LEKR1: variants seen among roughly 807,000 people sequenced by gnomAD.
The protein encoded by LEKR1 is leucine, glutamate and lysine rich 1.
LEKR1 carries 59 observed loss-of-function variants against 72.4 expected under a neutral mutation model. The ratio of observed to expected loss-of-function variants is 0.82; its 90% CI spans 0.66 to 1.01. LEKR1 has a LOEUF of 1.01. Among genes scored for constraint, LEKR1 ranks in the 50% least tolerant of loss-of-function variants. LEKR1 has a pLI of 0.00. For synonymous variants in LEKR1, 257 were observed against 263.2 expected (o/e 0.98, Z 0.23); for missense variants, 728 against 759.2 (o/e 0.96, Z 0.48).
intron 10 of LEKR1, 86 bp downstream of exon 10, chr3:157,011,592 A>C (rs1187063247): frequency 4.5e-6 from 4 of 898,106 alleles, no homozygotes; most frequent in Non-Finnish European, 7.2e-6. Flanking sequence ...TTCCGGATAG[A>C]TTTATTTGCT....
chr3:156,997,646 G>A (rs1001914343), intron 9 of LEKR1, among the ~76,000 whole-genome samples: 5 of 152,170 alleles, frequency 3.3e-5, no homozygotes, highest in African/African-American at 1.2e-4. Context: ...TCCAAGCAGT[G>A]TCAGATACAC....
intron 4 of LEKR1, among the ~76,000 whole-genome samples, chr3:156,923,306 C>T (rs1724385551): frequency 6.6e-6 from 1 of 152,214 alleles, no homozygotes; most frequent in South Asian, 2.1e-4. Context: ...AGAAAAGACC[C>T]TCCAGACCCT....
intron 12 of LEKR1, among the ~76,000 whole-genome samples, chr3:157,044,392 G>A (rs1735591738): frequency 6.6e-6 from 1 of 152,170 alleles, no homozygotes; most frequent in South Asian, 2.1e-4. Flanking sequence ...CAAAACATAG[G>A]TAACACCTCA....
intron 9 of LEKR1, among the ~76,000 whole-genome samples, chr3:157,008,388 A>C (rs528915370): frequency 6.6e-6 from 1 of 152,202 alleles, no homozygotes. Context: ...GGCTGTATCA[A>C]TAATTGTTTT....
Position 157,028,184 on chromosome 3 carries a change from A to G in LEKR1, c.1450A>G (p.Ile484Val). ...TAAAGAAAAACTTCACAAATCCCATATTCGGTACACTGAAGAATCTAATTC... is the reference window on the plus strand; with the variant it reads ...TAAAGAAAAACTTCACAAATCCCATGTTCGGTACACTGAAGAATCTAATTC... ...TLKEKLHKSH[I>V]RYTEESNSKE... The change falls in exon 12 of 13, where the codon ATT (isoleucine) becomes GTT (valine). Residue 484 changes from isoleucine (I) to valine (V), a missense_variant. Coordinates refer to ENST00000356539, the MANE Select transcript of LEKR1 (RefSeq NM_001004316.3). The G allele has an allele frequency of 6.2e-7, 1 of 1,612,386 alleles. No individual in the cohort carries two copies. The highest frequency in any genetic ancestry group is 8.5e-7 in the Non-Finnish European group (1 of 1,178,840).
At chr3:157,016,949 A>C (rs751830339) in intron 10 of LEKR1, among the ~76,000 whole-genome samples, 2 of 152,208 alleles carry the variant, frequency 1.3e-5, no homozygotes, top group African/African-American at 2.4e-5. Flanking sequence ...AATCCTAAAG[A>C]AGACAGGAAA....
intron 3 of LEKR1, among the ~76,000 whole-genome samples, chr3:156,913,458 T>C (rs1000644524): frequency 5.9e-5 from 9 of 152,298 alleles, no homozygotes; most frequent in African/African-American, 2.2e-4. Flanking sequence ...GAAATGCTAC[T>C]GATTTTTAAT....
chr3:156,899,541 C>CATATACATGT (rs1560064249), intron 3 of LEKR1, among the ~76,000 whole-genome samples: 44 of 134,728 alleles, frequency 3.3e-4, no homozygotes, highest in African/African-American at 1.2e-3. Context: ...CACATATATA[C>CATATACATGT]ATATATACAC....
intron 5 of LEKR1, among the ~76,000 whole-genome samples, chr3:156,932,705 C>CAAA (rs71141797): frequency 5.0e-5 from 5 of 99,764 alleles, no homozygotes; most frequent in Admixed American, 2.1e-4. Context: ...GACTCTGTCT[C>CAAA]AAAAAAAAAA....
chr3:156,896,302 T>C (rs1387857530), intron 3 of LEKR1, among the ~76,000 whole-genome samples: 1 of 152,132 alleles, frequency 6.6e-6, no homozygotes, highest in African/African-American at 2.4e-5. Flanking sequence ...ATGGCACATG[T>C]TTACCTATGT....
intron 3 of LEKR1, among the ~76,000 whole-genome samples, chr3:156,911,388 A>C (rs1289024646): frequency 1.3e-5 from 2 of 152,012 alleles, no homozygotes; most frequent in Non-Finnish European, 2.9e-5. Context: ...TAAATTCCTT[A>C]TAGATTCTGG....
intron 3 of LEKR1, among the ~76,000 whole-genome samples, chr3:156,856,084 T>C (rs1353317829): frequency 1.3e-5 from 2 of 152,208 alleles, no homozygotes; most frequent in African/African-American, 4.8e-5. Flanking sequence ...CAACAACATA[T>C]GTTTAAAACT....
At chr3:156,833,893 T>C (rs1445133173) in intron 2 of LEKR1, among the ~76,000 whole-genome samples, 1 of 151,104 alleles carries the variant, frequency 6.6e-6, no homozygotes, top group Non-Finnish European at 1.5e-5. Context: ...TGAATCTCTC[T>C]TTCCCCTTTT....
intron 6 of LEKR1, among the ~76,000 whole-genome samples, chr3:156,965,935 T>C (rs1728530371): frequency 6.6e-6 from 1 of 152,204 alleles, no homozygotes; most frequent in Non-Finnish European, 1.5e-5. Flanking sequence ...ATTACTTTTG[T>C]AAAAGGCTAA....
intron 3 of LEKR1, among the ~76,000 whole-genome samples, chr3:156,875,716 C>T (rs1334757049): frequency 2.0e-5 from 3 of 151,926 alleles, no homozygotes; most frequent in Non-Finnish European, 4.4e-5. Context: ...AAGAAATGAG[C>T]CGGGCGTGGT....
chr3:156,984,768 A>G (rs1730532604), intron 7 of LEKR1, among the ~76,000 whole-genome samples: 1 of 152,018 alleles, frequency 6.6e-6, no homozygotes, highest in Admixed American at 6.6e-5. Context: ...AAGCTAACAC[A>G]GGACTTACAT....
At chr3:156,942,227 C>A (rs1005763143) in intron 5 of LEKR1, among the ~76,000 whole-genome samples, 3 of 151,870 alleles carry the variant, frequency 2.0e-5, no homozygotes, top group African/African-American at 2.4e-5. Context: ...TAACATTACA[C>A]AGATATTATT....
At chr3:156,840,707 C>G (rs1046435066) in intron 2 of LEKR1, among the ~76,000 whole-genome samples, 13 of 152,208 alleles carry the variant, frequency 8.5e-5, no homozygotes, top group Non-Finnish European at 1.9e-4. Context: ...TTTATGTAAA[C>G]TGTAACCCAG....
At chr3:156,982,305 C>T in intron 7 of LEKR1, among the ~76,000 whole-genome samples, 1 of 152,096 alleles carries the variant, frequency 6.6e-6, no homozygotes, top group East Asian at 1.9e-4. Flanking sequence ...AAGTCAGGTC[C>T]CTATAATCGC....
Sources: allele counts gnomAD v4.1 joint callset (sites outside exome capture counted in the v4.1 genomes callset), GRCh38; gene constraint gnomAD v4.1.1; transcripts MANE v1.5; gene names NCBI Gene and HGNC (gene_info 2026-07-23, HGNC 2026-07-21).